Variants in CAMLG observed in about 807,000 individuals in gnomAD.
The protein encoded by CAMLG is guided entry of tail-anchored proteins factor CAMLG.
CAMLG carries 23 observed loss-of-function variants against 28.9 expected under a neutral mutation model. The ratio of observed to expected loss-of-function variants is 0.80; its 90% CI spans 0.57 to 1.13. CAMLG has a LOEUF of 1.13. Among genes scored for constraint, CAMLG ranks in the 50% most tolerant of loss-of-function variants. CAMLG has a pLI of 0.00. For synonymous variants in CAMLG, 141 were observed against 146.5 expected (o/e 0.96, Z 0.27); for missense variants, 367 against 371.9 (o/e 0.99, Z 0.11).
At chr5:134,749,010 A>C (rs1254662799) in intron 3 of CAMLG, among the ~76,000 whole-genome samples, 1 of 150,870 alleles carries the variant, frequency 6.6e-6, no homozygotes, top group Non-Finnish European at 1.5e-5. Flanking sequence ...TAAAACTAAG[A>C]GCTTTCTTGT....
In CAMLG at chr5:134,738,558, C is replaced by T; in HGVS notation, c.-63C>T. On this transcript the variant is annotated 5_prime_UTR_variant, in exon 1 of 4. Transcript: ENST00000297156. ...GCCCTGCGGCCCGGCCTCTAGTCAT[C>T]GCCCTCGCAGCGGCGGCCAACATCA... 1 of 1,385,952 alleles carries T rather than the reference C, an allele frequency of 7.2e-7. No individual in the cohort carries two copies. The highest frequency in any genetic ancestry group is 9.7e-7 in the Non-Finnish European group (1 of 1,026,854). 85.9% of individuals were successfully genotyped at this position (1,385,952 alleles called of 1,614,324 possible).
intron 3 of CAMLG, among the ~76,000 whole-genome samples, chr5:134,744,553 T>C (rs1580756117): frequency 6.7e-6 from 1 of 148,882 alleles, no homozygotes; most frequent in African/African-American, 2.5e-5. Context: ...AAAAGAGTAA[T>C]TAGAAACTTT....
chr5:134,744,527 C>CAAAAAAAAAA (rs751658223), intron 3 of CAMLG, among the ~76,000 whole-genome samples: 25 of 60,616 alleles, frequency 4.1e-4, no homozygotes, highest in East Asian at 1.7e-3. Context: ...ACTCTGTCTC[C>CAAAAAAAAAA]AAAAAAAAAA....
intron 2 of CAMLG, 138 bp from the exon 3 acceptor site, chr5:134,743,849 A>C: frequency 1.8e-6 from 1 of 561,542 alleles, no homozygotes; most frequent in Non-Finnish European, 3.2e-6. Flanking sequence ...TGGGTGACAG[A>C]GGAAGACTCC....
chr5:134,740,474 G>A (rs1752968746), intron 1 of CAMLG, among the ~76,000 whole-genome samples: 1 of 152,136 alleles, frequency 6.6e-6, no homozygotes, highest in Non-Finnish European at 1.5e-5. Flanking sequence ...CTCCATCTCT[G>A]AATATCTTTC....
intron 3 of CAMLG, among the ~76,000 whole-genome samples, chr5:134,746,698 A>C (rs1263973808): frequency 6.6e-6 from 1 of 151,914 alleles, no homozygotes; most frequent in African/African-American, 2.4e-5. Flanking sequence ...TCTGGTCTGG[A>C]ACTCCCAGCC....
intron 3 of CAMLG, among the ~76,000 whole-genome samples, chr5:134,745,594 A>T (rs547256529): frequency 2.6e-5 from 4 of 151,900 alleles, no homozygotes; most frequent in African/African-American, 9.7e-5. Context: ...TCTACTAAAA[A>T]TATAAAAATT....
chr5:134,748,754 C>T (rs1043545741), intron 3 of CAMLG, among the ~76,000 whole-genome samples: 5 of 152,282 alleles, frequency 3.3e-5, no homozygotes, highest in South Asian at 2.1e-4. Flanking sequence ...CTTTTTCCCA[C>T]GATAGATTAG....
intron 2 of CAMLG, among the ~76,000 whole-genome samples, chr5:134,742,802 G>A (rs1357948876): frequency 6.6e-6 from 1 of 151,782 alleles, no homozygotes; most frequent in African/African-American, 2.4e-5. Context: ...GCAGTGATGT[G>A]ATCTTGGCTC....
At chr5:134,744,388 G>C (rs1753020989) in intron 3 of CAMLG, among the ~76,000 whole-genome samples, 1 of 152,048 alleles carries the variant, frequency 6.6e-6, no homozygotes, top group South Asian at 2.1e-4. Context: ...GCCAGGTATG[G>C]TGACGCACAC....
At chr5:134,747,123 G>A (rs927889241) in intron 3 of CAMLG, among the ~76,000 whole-genome samples, 1 of 151,992 alleles carries the variant, frequency 6.6e-6, no homozygotes, top group East Asian at 1.9e-4. Context: ...GAATTGTGCC[G>A]TGAACACCCA....
rs1753108308 is a variant in CAMLG, at chr5:134,750,986, A to C, written c.*36A>C. On this transcript the variant is annotated 3_prime_UTR_variant, in exon 4 of 4. Transcript: ENST00000297156. Reference sequence around the variant, plus strand: ...ACTGAGAAGGAGAAGCTTACAAAAAAAAAAAAATCCTCTTCTATATTGCAG... The same window carrying C: ...ACTGAGAAGGAGAAGCTTACAAAAACAAAAAAATCCTCTTCTATATTGCAG... The C allele has an allele frequency of 6.5e-7, 1 of 1,530,308 alleles. No individual in the cohort carries two copies. Among genetic ancestry groups the C allele is most frequent in the Non-Finnish European group, 8.9e-7 (1 of 1,127,440 alleles). The allele number at this position is 1,530,308 out of a possible 1,614,324, so 94.8% of individuals were successfully genotyped here.
chr5:134,747,645 A>ATTT lies in CAMLG; in HGVS notation c.700-3101_700-3099dup, dbSNP rs551808122. Among the ~76,000 whole-genome samples, 707 of 132,246 alleles carry ATTT rather than the reference A, an allele frequency of 5.3e-3. 5 individuals are homozygous for ATTT. The highest frequency in any genetic ancestry group is 0.049 in the Middle Eastern group (10 of 204). The allele number at this position is 132,246 out of a possible 152,430, so 86.8% of individuals were successfully genotyped here. On this transcript the variant is annotated intron_variant, in intron 3 of 3. Coordinates refer to ENST00000297156, the MANE Select transcript of CAMLG (RefSeq NM_001745.4). ...ACAGGCATGAGCCACCATGCTCGGCATTTTTTTTTTTTTTTGAGACGGAGT... is the reference window on the plus strand; with the variant it reads ...ACAGGCATGAGCCACCATGCTCGGCATTTTTTTTTTTTTTTTTTGAGACGGAGT...
At position 134,741,070 on chromosome 5, in the gene CAMLG, A is replaced by G. The variant is rs759258310; in HGVS notation, c.180A>G (p.Glu60=). 1.6e-5 allele frequency: 26 copies of G among 1,608,434 alleles called. No homozygotes were observed. The South Asian group carries it at 2.5e-4, about 16-fold the overall frequency. The change falls in exon 2 of 4, where the codon GAA becomes GAG. Residue 60 remains glutamate, a synonymous_variant. Coordinates refer to ENST00000297156, the MANE Select transcript of CAMLG (RefSeq NM_001745.4). Reference sequence around the variant, plus strand: ...TTACATTTCTTTTCTCAGAAGAAGAAAGTCAAACAAAATCAAAGCAGCAGG... The same window carrying G: ...TTACATTTCTTTTCTCAGAAGAAGAGAGTCAAACAAAATCAAAGCAGCAGG... ...FHRPGSGAEE[E]SQTKSKQQDS... is the part of the protein sequence containing the mutation.
chr5:134,740,869 A>G (rs1189824209), intron 1 of CAMLG, among the ~76,000 whole-genome samples, 194 bp from the exon 2 acceptor site: 1 of 152,142 alleles, frequency 6.6e-6, no homozygotes, highest in Non-Finnish European at 1.5e-5. Flanking sequence ...CAGCCTCCCA[A>G]AGTGTTGGGA....
At chr5:134,738,938 C>A in intron 1 of CAMLG, 146 bp downstream of exon 1, 6 of 781,914 alleles carry the variant, frequency 7.7e-6, no homozygotes, top group Non-Finnish European at 1.2e-5. Flanking sequence ...TCGGTGATAT[C>A]CCAAGTTCTC....
At chr5:134,743,809 T>C (rs1232074181) in intron 2 of CAMLG, among the ~76,000 whole-genome samples, 178 bp from the exon 3 acceptor site, 2 of 152,058 alleles carry the variant, frequency 1.3e-5, no homozygotes, top group Non-Finnish European at 2.9e-5. Flanking sequence ...GATGTTGCCA[T>C]GAACCAAGAT....
At chr5:134,748,008 T>C (rs1014659867) in intron 3 of CAMLG, among the ~76,000 whole-genome samples, 61 of 151,620 alleles carry the variant, frequency 4.0e-4, no homozygotes, top group African/African-American at 1.1e-3. Flanking sequence ...ATTACAGGCA[T>C]GTGCCACCAC....
rs1452469431 is a variant in CAMLG, at chr5:134,741,499, C to CA, written c.610dup (p.Arg204LysfsTer32). On this transcript the variant is annotated frameshift_variant, in exon 2 of 4. Transcript: ENST00000297156. LOFTEE classifies it high-confidence loss of function. ...GATGTGCTCTTCTTGCTCTTGGAGTCAGAGCTTTTGTTTGCAAATACTTGG... is the reference window on the plus strand; with the variant it reads ...GATGTGCTCTTCTTGCTCTTGGAGTCAAGAGCTTTTGTTTGCAAATACTTGG... The CA allele has an allele frequency of 6.2e-7, 1 of 1,607,682 alleles. No homozygotes were observed. Among genetic ancestry groups the CA allele is most frequent in the Non-Finnish European group, 8.5e-7 (1 of 1,175,586 alleles).
Sources: gnomAD v4.1 joint callset for allele counts (sites outside exome capture counted in the v4.1 genomes callset) on GRCh38, gnomAD v4.1.1 for gene constraint, MANE v1.5 for transcripts, NCBI Gene and HGNC (gene_info 2026-07-23, HGNC 2026-07-21) for gene names.